EPHA5: variants seen among roughly 807,000 people sequenced by gnomAD.
The protein encoded by EPHA5 is EPH receptor A5.
EPHA5 carries 60 observed loss-of-function variants against 105.0 expected under a neutral mutation model. That is an observed-to-expected ratio of 0.57 (90% CI 0.46 to 0.71). EPHA5 has a LOEUF of 0.71. Ranked by LOEUF, EPHA5 falls within the 30% of genes least tolerant of loss-of-function variation. The probability of loss-of-function intolerance (pLI) is 0.00; values close to 1 mark genes in which losing one functional copy is unlikely to be tolerated. For missense variants in EPHA5, 1,218 were observed against 1,274.7 expected (o/e 0.96, Z 0.68); for synonymous variants, 513 against 449.1 (o/e 1.14, Z -1.80).
chr4:65,497,991 T>C (rs1732114034), intron 3 of EPHA5, among the ~76,000 whole-genome samples: 1 of 151,930 alleles, frequency 6.6e-6, no homozygotes, highest in South Asian at 2.1e-4. Flanking sequence ...AAAAAGGAGC[T>C]ATAGCAGTAA....
intron 10 of EPHA5, 30 bp from the exon 11 acceptor site, chr4:65,365,232 A>C (rs1717752487): frequency 6.3e-7 from 1 of 1,596,834 alleles, no homozygotes; most frequent in Admixed American, 1.7e-5. Context: ...AAATGCAAAA[A>C]CTCATTTGAA....
intron 3 of EPHA5, among the ~76,000 whole-genome samples, chr4:65,506,777 T>C (rs1733070551): frequency 6.6e-6 from 1 of 152,106 alleles, no homozygotes; most frequent in Admixed American, 6.5e-5. Flanking sequence ...TATTAGCCCT[T>C]TGTCAGATGA....
At chr4:65,461,556 T>C (rs897833200) in intron 5 of EPHA5, among the ~76,000 whole-genome samples, 5 of 152,084 alleles carry the variant, frequency 3.3e-5, no homozygotes, top group Non-Finnish European at 5.9e-5. Context: ...TACTATATTC[T>C]TCATACAAAA....
chr4:65,631,632 C>T (rs1219083687), intron 2 of EPHA5, among the ~76,000 whole-genome samples: 2 of 151,812 alleles, frequency 1.3e-5, no homozygotes, highest in African/African-American at 4.8e-5. Context: ...GTGCTGAACA[C>T]TGCATCATAC....
At chr4:65,466,042 G>A (rs1578180008) in intron 5 of EPHA5, among the ~76,000 whole-genome samples, 1 of 152,304 alleles carries the variant, frequency 6.6e-6, no homozygotes, top group East Asian at 1.9e-4. Context: ...AGTGTTAGAG[G>A]GTAATATGTG....
intron 4 of EPHA5, among the ~76,000 whole-genome samples, chr4:65,492,960 G>A (rs539289649): frequency 2.0e-5 from 3 of 148,368 alleles, no homozygotes; most frequent in South Asian, 2.1e-4. Context: ...CTCTAAGTTA[G>A]AACAATGTCA....
At chr4:65,392,843 T>C (rs1720856874) in intron 8 of EPHA5, among the ~76,000 whole-genome samples, 1 of 152,158 alleles carries the variant, frequency 6.6e-6, no homozygotes, top group African/African-American at 2.4e-5. Flanking sequence ...TCATCTTTAA[T>C]TCAATAACTT....
chr4:65,527,200 A>T (rs1321663756), intron 3 of EPHA5, among the ~76,000 whole-genome samples: 2 of 152,140 alleles, frequency 1.3e-5, no homozygotes, highest in Non-Finnish European at 2.9e-5. Context: ...CCATATATTA[A>T]AATGCTTATT....
At chr4:65,658,632 T>C (rs1295453965) in intron 1 of EPHA5, among the ~76,000 whole-genome samples, 2 of 152,072 alleles carry the variant, frequency 1.3e-5, no homozygotes, top group Non-Finnish European at 2.9e-5. Flanking sequence ...AATTCAATCT[T>C]TTCAATTCTA....
intron 3 of EPHA5, among the ~76,000 whole-genome samples, chr4:65,547,063 CTG>C (rs1737447934): frequency 6.6e-6 from 1 of 151,934 alleles, no homozygotes; most frequent in Admixed American, 6.6e-5. Context: ...ACTGTGAAAA[CTG>C]TAATAACAGA....
chr4:65,429,853 T>C lies in EPHA5; in HGVS notation c.1403-9288A>G, dbSNP rs371116162. On this transcript the variant is annotated intron_variant, in intron 5 of 16. Coordinates refer to ENST00000613740, the MANE Select transcript of EPHA5 (RefSeq NM_001281766.3). ...CCAGTAGACACAAAAAAATAAACTT[T>C]ATGGCTACAGAATGACTGGGAGACC... 1.1e-4 allele frequency among the ~76,000 whole-genome samples: 17 copies of C among 152,168 alleles called. No homozygotes were observed. In the East Asian group the frequency reaches 3.3e-3, roughly 29 times the overall value.
chr4:65,648,035 A>G (rs1242669249), intron 1 of EPHA5, among the ~76,000 whole-genome samples: 1 of 152,186 alleles, frequency 6.6e-6, no homozygotes, highest in African/African-American at 2.4e-5. Context: ...CACATTAACA[A>G]TTTCAATGCT....
intron 7 of EPHA5, among the ~76,000 whole-genome samples, chr4:65,408,688 C>T (rs1722612494): frequency 6.6e-6 from 1 of 151,978 alleles, no homozygotes; most frequent in South Asian, 2.1e-4. Flanking sequence ...AGTCAGGAAA[C>T]AACAGGTGCT....
intron 8 of EPHA5, among the ~76,000 whole-genome samples, chr4:65,394,133 C>G (rs1026656465): frequency 6.6e-6 from 1 of 152,134 alleles, no homozygotes; most frequent in Admixed American, 6.5e-5. Context: ...ACTGGATATA[C>G]CTGTCCCATG....
intron 3 of EPHA5, among the ~76,000 whole-genome samples, chr4:65,509,406 T>C (rs1733381067): frequency 1.3e-5 from 2 of 152,134 alleles, no homozygotes; most frequent in South Asian, 2.1e-4. Flanking sequence ...GTCCTAGCTA[T>C]CTGGGGATAT....
chr4:65,399,232 G>A (rs532199526), intron 8 of EPHA5, among the ~76,000 whole-genome samples: 1 of 152,278 alleles, frequency 6.6e-6, no homozygotes, highest in African/African-American at 2.4e-5. Flanking sequence ...AGCTGCAGCT[G>A]GCACTAATTA....
rs199743769 is a variant in EPHA5 at position 65,367,236 on chromosome 4, TAA to T, written c.1861+119_1861+120del. The T allele has an allele frequency of 7.3e-3, 4,872 of 663,416 alleles. 89 individuals carry two copies. Among genetic ancestry groups the T allele is most frequent in the African/African-American group, 0.059 (3,133 of 52,766 alleles). 41.1% of individuals were successfully genotyped at this position (663,416 alleles called of 1,614,324 possible). ...AGGAATGTAACAAATAGAACACTTT[TAA>T]AAAAAAAAAAAACAATATTTTGGTC... On this transcript the variant is annotated intron_variant, in intron 9 of 16. Transcript: ENST00000613740.
intron 1 of EPHA5, among the ~76,000 whole-genome samples, chr4:65,660,576 A>G (rs1749471871): frequency 6.6e-6 from 1 of 152,158 alleles, no homozygotes; most frequent in Non-Finnish European, 1.5e-5. Context: ...ACTAGGCTAC[A>G]TAGGTACATT....
chr4:65,357,818 A>G (rs1433873232), intron 11 of EPHA5, among the ~76,000 whole-genome samples: 1 of 151,376 alleles, frequency 6.6e-6, no homozygotes, highest in Non-Finnish European at 1.5e-5. Context: ...TGTATAGCTC[A>G]AGGTGTGTGT....
Sources: gnomAD v4.1 joint callset for allele counts (sites outside exome capture counted in the v4.1 genomes callset) on GRCh38, gnomAD v4.1.1 for gene constraint, MANE v1.5 for transcripts, NCBI Gene and HGNC (gene_info 2026-07-23, HGNC 2026-07-21) for gene names.